Variants in HTT observed in about 807,000 individuals in gnomAD.
The protein encoded by HTT is huntingtin, also known as huntington disease protein.
HTT carries 104 observed loss-of-function variants against 362.3 expected under a neutral mutation model. That is an observed-to-expected ratio of 0.29 (90% CI 0.24 to 0.34). The LOEUF is 0.34. Ranked by LOEUF, HTT falls within the 10% of genes least tolerant of loss-of-function variation. The probability of loss-of-function intolerance (pLI) is 1.00; values close to 1 mark genes in which losing one functional copy is unlikely to be tolerated. For synonymous variants in HTT, 1,577 were observed against 1,548.7 expected, an observed-to-expected ratio of 1.02 and a Z score of -0.43; for missense variants, 3,301 against 3,928.6, an observed-to-expected ratio of 0.84 and a Z score of 4.27.
chr4:3,215,250 C>T lies in HTT; in HGVS notation c.7054+39C>T, dbSNP rs1233152531. Reference sequence around the variant, plus strand: ...CCCATTTTTTTCTTACATGTTGTTCCTCCAGGACTTAAAAATCATTCACAG... The same window carrying T: ...CCCATTTTTTTCTTACATGTTGTTCTTCCAGGACTTAAAAATCATTCACAG... On this transcript the variant is annotated intron_variant, in intron 51 of 66. Coordinates refer to ENST00000355072, the MANE Select transcript of HTT (RefSeq NM_001388492.1). 3.4e-6 allele frequency: 5 copies of T among 1,485,364 alleles called. No individual in the cohort carries two copies. In the South Asian group the frequency reaches 5.7e-5, roughly 17 times the overall value. The allele number at this position is 1,485,364 out of a possible 1,614,324, so 92.0% of individuals were successfully genotyped here.
At chr4:3,202,061 C>T (rs1433762770) in intron 41 of HTT, among the ~76,000 whole-genome samples, 1 of 152,156 alleles carries the variant, frequency 6.6e-6, no homozygotes, top group African/African-American at 2.4e-5. Context: ...TAGCCTAGCC[C>T]CTCTCTTATG....
chr4:3,209,986 T>C (rs1720071301), intron 47 of HTT, 37 bp downstream of exon 47: 1 of 1,606,348 alleles, frequency 6.2e-7, no homozygotes, highest in Non-Finnish European at 8.5e-7. Flanking sequence ...AATCCTCAGC[T>C]TTTCTTGTGA....
At chr4:3,186,293 G>T (rs1187368141) in intron 37 of HTT, among the ~76,000 whole-genome samples, 2 of 152,154 alleles carry the variant, frequency 1.3e-5, no homozygotes, top group African/African-American at 4.8e-5. Context: ...TTGTGTCAGG[G>T]TGCTGCAGTG....
intron 41 of HTT, among the ~76,000 whole-genome samples, chr4:3,200,629 C>T (rs371674955): frequency 3.7e-4 from 56 of 152,284 alleles, no homozygotes; most frequent in East Asian, 1.7e-3. Flanking sequence ...CAGGTGCTGC[C>T]GTGCCTCTCT....
rs754813242 is a variant in HTT at position 3,239,861 on chromosome 4, C to T, written c.9231C>T (p.Ile3077=). 7.7e-6 allele frequency: 12 copies of T among 1,558,990 alleles called. 1 individual carries two copies. In the South Asian group the frequency reaches 1.1e-4, roughly 14 times the overall value. ...PWVAAILPHV[I]SRMGKLEQVD... is the part of the protein sequence containing the mutation. ...CCTGCACCAGCCTCCCACATGTCAT[C>T]AGCAGGATGGGCAAGCTGGAGCAGG... is the stretch of plus-strand genomic sequence containing the variant. The change falls in exon 67 of 67, where the codon ATC becomes ATT. Residue 3077 remains isoleucine, a synonymous_variant. Transcript: ENST00000355072.
intron 6 of HTT, among the ~76,000 whole-genome samples, chr4:3,108,395 C>G (rs143281159): frequency 0.015 from 2,311 of 152,302 alleles, 61 homozygotes; most frequent in African/African-American, 0.053. Flanking sequence ...TTTCTTCATG[C>G]TCAGTAAATG....
chr4:3,079,008 C>T (rs1712735104), intron 1 of HTT, among the ~76,000 whole-genome samples: 1 of 152,036 alleles, frequency 6.6e-6, no homozygotes, highest in East Asian at 1.9e-4. Flanking sequence ...ACCTCGGCCT[C>T]CCAAAGTGCT....
Position 3,239,935 on chromosome 4 carries a change from A to C in HTT, c.9305A>C (p.Gln3102Pro). ...GTCGCCACAGACTTCTACAGACACCAGATAGAGGAGGAGCTCGACCGCAGG... is the reference window on the plus strand; with the variant it reads ...GTCGCCACAGACTTCTACAGACACCCGATAGAGGAGGAGCTCGACCGCAGG... The part of the protein sequence containing the change: ...CLVATDFYRH[Q>P]IEEELDRRAF... The change falls in exon 67 of 67, where the codon CAG becomes CCG. Residue 3102 changes from glutamine (Q) to proline (P), a missense_variant. Transcript: ENST00000355072. The C allele has an allele frequency of 6.3e-7, 1 of 1,582,746 alleles. No individual in the cohort carries two copies. Among genetic ancestry groups the C allele is most frequent in the Non-Finnish European group, 8.6e-7 (1 of 1,163,318 alleles).
At chr4:3,214,518 T>C (rs1219682377) in intron 50 of HTT, among the ~76,000 whole-genome samples, 2 of 152,316 alleles carry the variant, frequency 1.3e-5, no homozygotes, top group South Asian at 2.1e-4. Context: ...AAAATGTTTG[T>C]TTTTATACTG....
At chr4:3,083,566 CACACACACACACACACACACAT>C (rs1157774275) in intron 1 of HTT, among the ~76,000 whole-genome samples, 9 of 146,916 alleles carry the variant, frequency 6.1e-5, no homozygotes, top group South Asian at 4.3e-4. Context: ...CACACACACA[CACACACACACACACACACACAT>C]ATATATGTAT....
At chr4:3,233,017 C>A in intron 60 of HTT, 146 bp from the exon 61 acceptor site, 1 of 616,366 alleles carries the variant, frequency 1.6e-6, no homozygotes, top group South Asian at 2.5e-5. Context: ...GCCTTGCACA[C>A]AGGCCTCTCA....
intron 5 of HTT, among the ~76,000 whole-genome samples, chr4:3,106,603 C>T (rs768667319): frequency 4.6e-5 from 7 of 152,174 alleles, no homozygotes; most frequent in African/African-American, 9.7e-5. Context: ...ATTCCAGACT[C>T]GTCAATGGCT....
Position 3,148,012 on chromosome 4 carries a change from T to G in HTT, c.3303T>G (p.Ala1101=), listed in dbSNP as rs1187431695. The part of the protein sequence containing the change: ...ILAGNLLAAS[A]PKSLRSSWAS... ...TCTGTGCCCATATCACAGCCAGTGC[T>G]CCCAAATCTCTGAGAAGTTCATGGG... Residue 1101 remains alanine (A), a synonymous_variant, in exon 26 of 67, where the codon GCT becomes GCG. Transcript: ENST00000355072. 1.6e-5 allele frequency: 25 copies of G among 1,612,022 alleles called. No homozygotes were observed. The highest frequency in any genetic ancestry group is 4.0e-5 in the African/African-American group (3 of 74,800).
In HTT at chr4:3,180,486, C is replaced by T. The variant is rs763625125; in HGVS notation, c.4613-29C>T. On this transcript the variant is annotated intron_variant, in intron 35 of 66. Coordinates refer to ENST00000355072, the MANE Select transcript of HTT (RefSeq NM_001388492.1). ...TCCAAATGTAATTTCCATGAAATGC[C>T]TGATAAGGGTACCCTTTTGTCCCCA... The T allele has an allele frequency of 3.9e-6, 6 of 1,524,292 alleles. No individual in the cohort carries two copies. In the East Asian group the frequency reaches 9.5e-5, roughly 24 times the overall value. The allele number at this position is 1,524,292 out of a possible 1,614,324, so 94.4% of individuals were successfully genotyped here.
intron 6 of HTT, among the ~76,000 whole-genome samples, chr4:3,110,272 T>C (rs1313243894): frequency 6.6e-6 from 1 of 152,240 alleles, no homozygotes; most frequent in African/African-American, 2.4e-5. Flanking sequence ...TTATTATTCT[T>C]TGGCCTTTTT....
intron 1 of HTT, among the ~76,000 whole-genome samples, chr4:3,079,402 G>T (rs1712767680): frequency 6.6e-6 from 1 of 152,040 alleles, no homozygotes; most frequent in Non-Finnish European, 1.5e-5. Flanking sequence ...GACTATAGGT[G>T]TGAGCCATCA....
In HTT at chr4:3,229,010, G is replaced by A; in HGVS notation, c.8109+1G>A. ...CCTGATCAGTGAGGTGGTCAGATCC[G>A]TAAGTGAGCCTTCCCATTCCCCTCA... On this transcript the variant is annotated splice_donor_variant, in intron 59 of 66. Coordinates refer to ENST00000355072, the MANE Select transcript of HTT (RefSeq NM_001388492.1). LOFTEE classifies it high-confidence loss of function. The A allele has an allele frequency of 1.2e-6, 2 of 1,610,652 alleles. No individual in the cohort carries two copies. Among genetic ancestry groups the A allele is most frequent in the Non-Finnish European group, 1.7e-6 (2 of 1,177,334 alleles).
chr4:3,143,436 C>CAAAAAAAA, intron 23 of HTT, among the ~76,000 whole-genome samples: 1 of 70,198 alleles, frequency 1.4e-5, no homozygotes, highest in Non-Finnish European at 2.7e-5. Flanking sequence ...GACTCTGTCT[C>CAAAAAAAA]AAAAAAAAAA....
chr4:3,229,913 C>T lies in HTT; in HGVS notation c.8136C>T (p.Thr2712=), dbSNP rs771522225. 6 of 1,614,174 alleles carry T rather than the reference C, an allele frequency of 3.7e-6. No homozygotes were observed. Among genetic ancestry groups the T allele is most frequent in the South Asian group, 2.2e-5 (2 of 91,088 alleles). The change falls in exon 60 of 67, where the codon ACC becomes ACT. Residue 2712 remains threonine (T), a synonymous_variant. Coordinates refer to ENST00000355072, the MANE Select transcript of HTT (RefSeq NM_001388492.1). ...RSLLVVSDLF[T]ERNQFELMYV... is the part of the protein sequence containing the mutation. ...TTCTAGTGGTCTCAGACTTGTTCAC[C>T]GAGCGCAACCAGTTTGAGCTGATGT...
Sources: allele counts gnomAD v4.1 joint callset (sites outside exome capture counted in the v4.1 genomes callset), GRCh38; gene constraint gnomAD v4.1.1; transcripts MANE v1.5; gene names NCBI Gene and HGNC (gene_info 2026-07-23, HGNC 2026-07-21).